The following KCND3 variants were observed in gnomAD, a reference collection of about 807,000 sequenced individuals.
The protein encoded by KCND3 is potassium voltage-gated channel subfamily D member 3.
Under a neutral mutation model 51.1 loss-of-function variants are expected in KCND3, and 9 were observed. The ratio of observed to expected loss-of-function variants is 0.18; its 90% CI spans 0.11 to 0.31. The LOEUF (loss-of-function observed/expected upper bound fraction) is 0.31, where lower values mean the gene tolerates loss of function less well. Ranked by LOEUF, KCND3 falls within the 10% of genes least tolerant of loss-of-function variation. The pLI is 1.00. For synonymous variants in KCND3, 349 were observed against 368.0 expected, an observed-to-expected ratio of 0.95 and a Z score of 0.59; for missense variants, 526 against 903.8, an observed-to-expected ratio of 0.58 and a Z score of 5.36.
At position 111,780,348 on chromosome 1, in the gene KCND3, C is replaced by G; in HGVS notation, c.1372-34G>C. The G allele has an allele frequency of 1.3e-6, 2 of 1,534,296 alleles. No homozygotes were observed. The highest frequency in any genetic ancestry group is 4.9e-5 in the East Asian group (2 of 41,038). On this transcript the variant is annotated intron_variant, in intron 4 of 7. Coordinates refer to ENST00000302127, the MANE Select transcript of KCND3 (RefSeq NM_001378969.1). This position sits in a 1 kb window ranked among gnomAD's most constrained non-coding sequence, Gnocchi z 4.2. ...AAAAGAAGAGAGATTGAGTAAAAAGCTGGTGGCTCTTCCCCTCTCCAGCTC... is the reference window on the plus strand; with the variant it reads ...AAAAGAAGAGAGATTGAGTAAAAAGGTGGTGGCTCTTCCCCTCTCCAGCTC...
intron 2 of KCND3, among the ~76,000 whole-genome samples, chr1:111,907,677 G>C (rs546808270): frequency 1.8e-3 from 267 of 152,298 alleles, no homozygotes; most frequent in Non-Finnish European, 3.2e-3. Context: ...GGGGAATTTT[G>C]TTATATAGCA....
At chr1:111,824,811 GT>G in intron 2 of KCND3, among the ~76,000 whole-genome samples, 1 of 152,162 alleles carries the variant, frequency 6.6e-6, no homozygotes, top group East Asian at 1.9e-4. Flanking sequence ...CTTAAATCCT[GT>G]TTTTCCACAC....
At chr1:111,829,762 T>G (rs1443409805) in intron 2 of KCND3, among the ~76,000 whole-genome samples, 6 of 152,104 alleles carry the variant, frequency 3.9e-5, no homozygotes, top group Non-Finnish European at 8.8e-5. Context: ...CCCCATCCTC[T>G]CAGGCTCTTC....
At chr1:111,941,541 A>C (rs1672522417) in intron 2 of KCND3, among the ~76,000 whole-genome samples, 1 of 152,092 alleles carries the variant, frequency 6.6e-6, no homozygotes. Flanking sequence ...CACTAAAGCA[A>C]ACTTCTCTCC....
rs750289997 is a variant in KCND3, at chr1:111,929,344, C to T, written c.1106+52277G>A. ...CCAGATGCTGGGACTCCCAGCCTCC[C>T]GCTTCCCCAGCCATGGAGGGTGGTA... On this transcript the variant is annotated intron_variant, in intron 2 of 7. Coordinates refer to ENST00000302127, the MANE Select transcript of KCND3 (RefSeq NM_001378969.1). Among the ~76,000 whole-genome samples, 6 of 152,304 alleles carry T rather than the reference C, an allele frequency of 3.9e-5. No homozygotes were observed. In the East Asian group the frequency reaches 5.8e-4, roughly 15 times the overall value.
At chr1:111,850,273 C>G (rs927560667) in intron 2 of KCND3, among the ~76,000 whole-genome samples, 2 of 152,104 alleles carry the variant, frequency 1.3e-5, no homozygotes, top group African/African-American at 4.8e-5. Flanking sequence ...TTAGAGAAGC[C>G]CAAATTGCCT....
chr1:111,777,248 A>G lies in KCND3; in HGVS notation c.1544T>C (p.Met515Thr). 2 of 1,614,212 alleles carry G rather than the reference A, an allele frequency of 1.2e-6. No homozygotes were observed. The highest frequency in any genetic ancestry group is 1.7e-6 in the Non-Finnish European group (2 of 1,180,042). ...ACTCTCCATGCAGTTCTGCTCAAAC[A>G]TCTGCTCATCAATAAACTCGTGGTT... ...IKNHEFIDEQ[M>T]FEQNCMESSM... is the part of the protein sequence containing the mutation. Residue 515 changes from methionine (M) to threonine (T), a missense_variant, in exon 7 of 8, where the codon ATG (methionine) becomes ACG (threonine). Transcript: ENST00000302127.
chr1:111,972,168 C>CTT (rs56102317), intron 2 of KCND3, among the ~76,000 whole-genome samples: 13 of 80,218 alleles, frequency 1.6e-4, no homozygotes, highest in Admixed American at 3.1e-4. Context: ...ATTTGTATAT[C>CTT]TTTTTTTTTT....
chr1:111,776,206 G>C lies in KCND3; in HGVS notation c.1839C>G (p.Ala613=). Residue 613 remains alanine, a synonymous_variant, in exon 8 of 8, where the codon GCC becomes GCG. Coordinates refer to ENST00000302127, the MANE Select transcript of KCND3 (RefSeq NM_001378969.1). ...CTGGGGGAGTGGGGATGCTGATGAT[G>C]GCTGTGGTGATCTGGGATGTTTTGC... The part of the protein sequence containing the change: ...PNCKTSQITT[A]IISIPTPPAL... 1 of 1,614,234 alleles carries C rather than the reference G, an allele frequency of 6.2e-7. No homozygotes were observed. Among genetic ancestry groups the C allele is most frequent in the Non-Finnish European group, 8.5e-7 (1 of 1,180,042 alleles).
rs555673673 is a variant in KCND3 at position 111,775,836 on chromosome 1, C to T, written c.*241G>A. The T allele has an allele frequency of 1.2e-5, 2 of 171,036 alleles. No individual in the cohort carries two copies. Among genetic ancestry groups the T allele is most frequent in the East Asian group, 3.3e-4 (2 of 5,990 alleles). 10.6% of individuals were successfully genotyped at this position (171,036 alleles called of 1,614,324 possible). A position where few individuals can be genotyped will look rare whatever the true frequency, so the allele number is the denominator to read the frequency against. ...TATCCCCGACCCCCCCACCCTCCCT[C>T]CCTTCCTCTGGCCCCAGTGAGATGC... On this transcript the variant is annotated 3_prime_UTR_variant, in exon 8 of 8. Transcript: ENST00000302127.
intron 3 of KCND3, among the ~76,000 whole-genome samples, chr1:111,784,252 G>C (rs972973308): frequency 1.1e-4 from 16 of 152,006 alleles, no homozygotes; most frequent in Admixed American, 6.6e-4. Flanking sequence ...TTACCACTAG[G>C]GGAAACTGGT....
chr1:111,877,918 A>ACACCGGGGC (rs1269412513), intron 2 of KCND3, among the ~76,000 whole-genome samples: 1 of 152,224 alleles, frequency 6.6e-6, no homozygotes, highest in Non-Finnish European at 1.5e-5. Context: ...ATAATGGCCA[A>ACACCGGGGC]CATTTACCGG....
At chr1:111,976,408 A>G (rs1270871316) in intron 2 of KCND3, among the ~76,000 whole-genome samples, 1 of 152,228 alleles carries the variant, frequency 6.6e-6, no homozygotes, top group Non-Finnish European at 1.5e-5. Flanking sequence ...TGCCATGACT[A>G]TATAGCTAAC....
In KCND3 at chr1:111,888,205, C is replaced by T. The variant is rs562808432; in HGVS notation, c.1106+93416G>A. Among the ~76,000 whole-genome samples the T allele has an allele frequency of 2.6e-5, 4 of 152,314 alleles. No individual in the cohort carries two copies. The East Asian group carries it at 5.8e-4, about 22-fold the overall frequency. On this transcript the variant is annotated intron_variant, in intron 2 of 7. Coordinates refer to ENST00000302127, the MANE Select transcript of KCND3 (RefSeq NM_001378969.1). ...CTGGCAGGGGCAGCAGAGCATTGCC[C>T]TCCAAGGGCCAGAGGCCAAGAGAAG... is the stretch of plus-strand genomic sequence containing the variant.
At position 111,775,657 on chromosome 1, in the gene KCND3, T is replaced by G. The variant is rs570432962; in HGVS notation, c.*420A>C. 3.6e-6 allele frequency: 1 copy of G among 274,220 alleles called. No individual in the cohort carries two copies. Among genetic ancestry groups the G allele is most frequent in the Non-Finnish European group, 7.2e-6 (1 of 139,132 alleles). The allele number at this position is 274,220 out of a possible 1,614,324, so 17.0% of individuals were successfully genotyped here. On this transcript the variant is annotated 3_prime_UTR_variant, in exon 8 of 8. Coordinates refer to ENST00000302127, the MANE Select transcript of KCND3 (RefSeq NM_001378969.1). ...GTGCTTAAATACACAGTGTTATATT[T>G]TCTTCCTGTTTTGCTTGTGACAACT...
At chr1:111,858,569 T>TA (rs981601826) in intron 2 of KCND3, among the ~76,000 whole-genome samples, 4 of 151,602 alleles carry the variant, frequency 2.6e-5, no homozygotes, top group East Asian at 3.9e-4. Flanking sequence ...TTCTTCTGAT[T>TA]AAAAAAAAAG....
intron 2 of KCND3, among the ~76,000 whole-genome samples, chr1:111,840,706 C>T (rs1170570583): frequency 6.6e-6 from 1 of 152,176 alleles, no homozygotes; most frequent in African/African-American, 2.4e-5. Context: ...TTTGGCTCTT[C>T]TGGCTGTGGA....
intron 2 of KCND3, among the ~76,000 whole-genome samples, chr1:111,940,782 G>A (rs931272221): frequency 2.0e-5 from 3 of 152,164 alleles, no homozygotes; most frequent in African/African-American, 4.8e-5. Context: ...ACCCCTCACC[G>A]ATGACATCAG....
chr1:111,805,104 G>A (rs759305291), intron 2 of KCND3, among the ~76,000 whole-genome samples: 241 of 152,352 alleles, frequency 1.6e-3, no homozygotes, highest in Non-Finnish European at 2.1e-3. Flanking sequence ...AGGTGGCATG[G>A]AGGAAAGGGC....
Sources: gnomAD v4.1 joint callset for allele counts (sites outside exome capture counted in the v4.1 genomes callset) on GRCh38, gnomAD v4.1.1 for gene constraint, Gnocchi (gnomAD v3.1) non-coding constraint, MANE v1.5 for transcripts, NCBI Gene and HGNC (gene_info 2026-07-23, HGNC 2026-07-21) for gene names.